Variants in NEGR1 observed in about 807,000 individuals in gnomAD.
NEGR1 encodes IgLON family member 4.
Under a neutral mutation model 40.9 loss-of-function variants are expected in NEGR1, and 10 were observed. The observed-to-expected ratio is 0.24, with a 90% confidence interval of 0.15 to 0.42. NEGR1 has a LOEUF of 0.42. Among genes scored for constraint, NEGR1 ranks in the 10% least tolerant of loss-of-function variants. The pLI is 1.00. For missense variants in NEGR1, 352 were observed against 438.9 expected (o/e 0.80, Z 1.77); for synonymous variants, 185 against 166.8 (o/e 1.11, Z -0.84).
intron 2 of NEGR1, among the ~76,000 whole-genome samples, chr1:71,847,113 C>A (rs1659445767): frequency 6.6e-6 from 1 of 152,106 alleles, no homozygotes; most frequent in African/African-American, 2.4e-5. Context: ...CCATTTGACT[C>A]AAGTTGGCTT....
intron 4 of NEGR1, among the ~76,000 whole-genome samples, chr1:71,636,372 G>A (rs986817932): frequency 2.6e-5 from 4 of 151,884 alleles, no homozygotes; most frequent in Non-Finnish European, 4.4e-5. Context: ...TTTATGTTAT[G>A]TCTTTCAGTT....
At chr1:72,043,113 C>T (rs1439342319) in intron 1 of NEGR1, among the ~76,000 whole-genome samples, 1 of 151,896 alleles carries the variant, frequency 6.6e-6, no homozygotes, top group Non-Finnish European at 1.5e-5. Context: ...ACCTGTATAG[C>T]CCATGAATTA....
chr1:72,195,501 TA>T (rs997174224), intron 1 of NEGR1, among the ~76,000 whole-genome samples: 12 of 151,778 alleles, frequency 7.9e-5, no homozygotes, highest in Admixed American at 3.3e-4. Flanking sequence ...TGTCTTCATT[TA>T]AAAAAAATAG....
chr1:72,139,951 T>C (rs1162604808), intron 1 of NEGR1, among the ~76,000 whole-genome samples: 1 of 152,106 alleles, frequency 6.6e-6, no homozygotes, highest in African/African-American at 2.4e-5. Flanking sequence ...TCTTTGGTAT[T>C]TGGGATCCAG....
intron 1 of NEGR1, among the ~76,000 whole-genome samples, chr1:72,055,314 G>T (rs1311448695): frequency 2.0e-5 from 3 of 151,084 alleles, no homozygotes; most frequent in Non-Finnish European, 4.5e-5. Context: ...GGCATTTACA[G>T]TTAGTTTTAA....
chr1:71,937,976 C>T (rs1228853818), intron 1 of NEGR1, among the ~76,000 whole-genome samples: 1 of 151,732 alleles, frequency 6.6e-6, no homozygotes, highest in Non-Finnish European at 1.5e-5. Flanking sequence ...ACATGGGCTG[C>T]CACAGAAGAA....
intron 1 of NEGR1, among the ~76,000 whole-genome samples, chr1:72,021,096 C>T (rs983809145): frequency 2.6e-5 from 4 of 152,020 alleles, no homozygotes; most frequent in African/African-American, 4.8e-5. Flanking sequence ...ATTCTGACTA[C>T]GAATCCATTT....
At chr1:72,016,207 G>A (rs1646709050) in intron 1 of NEGR1, among the ~76,000 whole-genome samples, 1 of 151,914 alleles carries the variant, frequency 6.6e-6, no homozygotes, top group African/African-American at 2.4e-5. Flanking sequence ...AATAATTGAT[G>A]AAATGTGTTA....
chr1:71,671,714 C>G (rs1369841287), intron 4 of NEGR1, among the ~76,000 whole-genome samples: 1 of 152,102 alleles, frequency 6.6e-6, no homozygotes, highest in Non-Finnish European at 1.5e-5. Flanking sequence ...GTTCTTCTCA[C>G]TGGTCTCTAT....
At chr1:72,206,603 T>C (rs1653406934) in intron 1 of NEGR1, among the ~76,000 whole-genome samples, 1 of 151,916 alleles carries the variant, frequency 6.6e-6, no homozygotes, top group Non-Finnish European at 1.5e-5. Flanking sequence ...TAGGGATGAC[T>C]AATAAATTAG....
chr1:71,794,674 T>C (rs1657254732), intron 2 of NEGR1: 1 of 152,008 alleles, frequency 6.6e-6, no homozygotes, highest in Admixed American at 6.6e-5. Flanking sequence ...CTTTATAGCA[T>C]TGAAGTTGGA....
chr1:72,092,223 A>G (rs1648526880), intron 1 of NEGR1, among the ~76,000 whole-genome samples: 1 of 152,082 alleles, frequency 6.6e-6, no homozygotes. Flanking sequence ...AAAGGTAGAG[A>G]CTAGCCTGAA....
intron 4 of NEGR1, among the ~76,000 whole-genome samples, chr1:71,630,872 T>C (rs149968722): frequency 4.6e-4 from 70 of 152,048 alleles, no homozygotes; most frequent in African/African-American, 1.6e-3. Flanking sequence ...TTTAATGAGC[T>C]TTGGGACTTT....
chr1:71,740,186 T>C (rs1655171681), intron 3 of NEGR1, among the ~76,000 whole-genome samples: 1 of 152,238 alleles, frequency 6.6e-6, no homozygotes, highest in African/African-American at 2.4e-5. Flanking sequence ...TAATATGTTA[T>C]AAACTTTTGA....
chr1:72,140,607 G>T (rs1650635820), intron 1 of NEGR1, among the ~76,000 whole-genome samples: 1 of 151,948 alleles, frequency 6.6e-6, no homozygotes, highest in African/African-American at 2.4e-5. Flanking sequence ...AGTTTTGGAG[G>T]GGACAAATAT....
chr1:71,546,506 G>T (rs1432863302), intron 6 of NEGR1, among the ~76,000 whole-genome samples: 1 of 151,666 alleles, frequency 6.6e-6, no homozygotes. Flanking sequence ...GTTTAAAAGT[G>T]GTGATGATAG....
At chr1:71,734,579 A>G (rs1486003107) in intron 3 of NEGR1, among the ~76,000 whole-genome samples, 7 of 152,262 alleles carry the variant, frequency 4.6e-5, no homozygotes, top group Middle Eastern at 3.4e-3. Flanking sequence ...TAATTTTACT[A>G]AAGTAAAAAT....
intron 1 of NEGR1, among the ~76,000 whole-genome samples, chr1:72,280,730 C>T (rs892469891): frequency 6.6e-6 from 1 of 152,094 alleles, no homozygotes; most frequent in Non-Finnish European, 1.5e-5. Context: ...AATTTGAACT[C>T]ATAGGCATGT....
chr1:71,907,009 G>A (rs1284696492), intron 2 of NEGR1, among the ~76,000 whole-genome samples: 1 of 152,076 alleles, frequency 6.6e-6, no homozygotes, highest in African/African-American at 2.4e-5. Flanking sequence ...TTAACCCTAG[G>A]GAAAATGTTA....
Sources: gnomAD v4.1 joint callset for allele counts (sites outside exome capture counted in the v4.1 genomes callset) on GRCh38, gnomAD v4.1.1 for gene constraint, MANE v1.5 for transcripts, NCBI Gene and HGNC (gene_info 2026-07-23, HGNC 2026-07-21) for gene names.